GNPTAB: variants seen among roughly 807,000 people sequenced by gnomAD.
GNPTAB encodes the protein N-acetylglucosamine-1-phosphotransferase subunits alpha/beta.
A neutral mutation model predicts 136.6 loss-of-function variants in GNPTAB; 92 were observed. The ratio of observed to expected loss-of-function variants is 0.67; its 90% CI spans 0.57 to 0.80. The LOEUF (loss-of-function observed/expected upper bound fraction) is 0.80. Ranked by LOEUF, GNPTAB falls within the 30% of genes least tolerant of loss-of-function variation. The probability of loss-of-function intolerance (pLI) is 0.00; values close to 1 mark genes in which losing one functional copy is unlikely to be tolerated. For synonymous variants in GNPTAB, 512 were observed against 535.1 expected (o/e 0.96, Z 0.60); for missense variants, 1,343 against 1,501.8 (o/e 0.89, Z 1.75).
Position 101,771,169 on chromosome 12 carries a change from CA to C in GNPTAB, c.772-13del. On this transcript the variant is annotated splice_polypyrimidine_tract_variant and intron_variant, in intron 7 of 20. Coordinates refer to ENST00000299314, the MANE Select transcript of GNPTAB (RefSeq NM_024312.5). ...GAATACAACTGCAACTATCAAATAA[CA>C]AGAGGATTACACATGAAAAGACTGA... 6.2e-7 allele frequency: 1 copy of C among 1,610,000 alleles called. No individual in the cohort carries two copies. Among genetic ancestry groups the C allele is most frequent in the Non-Finnish European group, 8.5e-7 (1 of 1,176,560 alleles).
At chr12:101,769,959 T>C in intron 10 of GNPTAB, 62 bp downstream of exon 10, 1 of 1,454,448 alleles carries the variant, frequency 6.9e-7, no homozygotes, top group Non-Finnish European at 9.6e-7. Flanking sequence ...GTATGTGCAC[T>C]CATTTTCTGA....
intron 1 of GNPTAB, among the ~76,000 whole-genome samples, chr12:101,824,334 A>C (rs1870961309): frequency 6.7e-6 from 1 of 149,502 alleles, no homozygotes; most frequent in Admixed American, 6.8e-5. Context: ...CAGAGGTGAG[A>C]AACAGGGACA....
At chr12:101,793,179 C>T (rs943509586) in intron 2 of GNPTAB, among the ~76,000 whole-genome samples, 3 of 152,062 alleles carry the variant, frequency 2.0e-5, no homozygotes, top group African/African-American at 4.8e-5. Flanking sequence ...TTAGTTCATT[C>T]CTTTATCATA....
chr12:101,783,639 A>G (rs1194533808), intron 5 of GNPTAB, among the ~76,000 whole-genome samples: 1 of 152,216 alleles, frequency 6.6e-6, no homozygotes. Flanking sequence ...GCTGAGGTAC[A>G]AATCAGTTCA....
At chr12:101,820,605 C>A (rs1169805627) in intron 1 of GNPTAB, among the ~76,000 whole-genome samples, 1 of 152,196 alleles carries the variant, frequency 6.6e-6, no homozygotes, top group Non-Finnish European at 1.5e-5. Context: ...GCATCAACCC[C>A]ATGCCATGCC....
chr12:101,823,422 T>C (rs1046857226), intron 1 of GNPTAB, among the ~76,000 whole-genome samples: 1 of 151,944 alleles, frequency 6.6e-6, no homozygotes, highest in South Asian at 2.1e-4. Flanking sequence ...CCAGCCTGGC[T>C]AACATGGTGT....
chr12:101,771,180 C>T, intron 7 of GNPTAB, 23 bp from the exon 8 acceptor site: 1 of 1,603,300 alleles, frequency 6.2e-7, no homozygotes, highest in Non-Finnish European at 8.5e-7. Context: ...AAGAGGATTA[C>T]ACATGAAAAG....
rs1868614007 is a variant in GNPTAB, at chr12:101,785,891, G to A, written c.571+121C>T. The A allele has an allele frequency of 5.1e-6, 4 of 790,626 alleles. No individual in the cohort carries two copies. The South Asian group carries it at 6.8e-5, about 14-fold the overall frequency. 49.0% of individuals were successfully genotyped at this position (790,626 alleles called of 1,614,324 possible). A position where few individuals can be genotyped will look rare whatever the true frequency, so the allele number is the denominator to read the frequency against. The stretch of plus-strand genomic sequence containing the variant: ...AATAGCAGCTGTTTTGCTTCTCTTT[G>A]TGCATTTTTAGAAAAGTTTATCAGA... On this transcript the variant is annotated intron_variant, in intron 5 of 20. Transcript: ENST00000299314.
intron 7 of GNPTAB, among the ~76,000 whole-genome samples, chr12:101,775,735 A>G (rs539553610): frequency 1.8e-4 from 28 of 152,160 alleles, no homozygotes; most frequent in African/African-American, 6.3e-4. Context: ...TTTCATCTTT[A>G]TTTTAGAAAT....
At chr12:101,806,128 G>C (rs959256827) in intron 1 of GNPTAB, among the ~76,000 whole-genome samples, 1 of 152,042 alleles carries the variant, frequency 6.6e-6, no homozygotes, top group Non-Finnish European at 1.5e-5. Flanking sequence ...TTCCTTTGTG[G>C]AGCATTACAA....
At chr12:101,812,585 C>CT (rs1555274905) in intron 1 of GNPTAB, among the ~76,000 whole-genome samples, 7 of 151,876 alleles carry the variant, frequency 4.6e-5, no homozygotes, top group African/African-American at 1.5e-4. Context: ...GTGAGAACCC[C>CT]CCCATCTCTA....
At chr12:101,765,535 T>G (rs1220637164) in intron 12 of GNPTAB, 1 of 536,390 alleles carries the variant, frequency 1.9e-6, no homozygotes, top group Admixed American at 3.2e-5. Context: ...TAAGAGTGAC[T>G]TTAATTTCAA....
intron 4 of GNPTAB, among the ~76,000 whole-genome samples, chr12:101,787,995 G>C (rs887689078): frequency 1.3e-5 from 2 of 151,310 alleles, no homozygotes; most frequent in African/African-American, 2.4e-5. Context: ...AAAGTCTGAT[G>C]GTTAAGTGGG....
In GNPTAB at chr12:101,770,405, C is replaced by T; in HGVS notation, c.1113+1G>A. The T allele has an allele frequency of 6.2e-7, 1 of 1,603,716 alleles. No homozygotes were observed. The highest frequency in any genetic ancestry group is 8.5e-7 in the Non-Finnish European group (1 of 1,170,536). ...CTTGTAATTTTTAGAAAGTCCTGTA[C>T]CTGGTGTGTTACTATTGTCACTCGA... On this transcript the variant is annotated splice_donor_variant, in intron 9 of 20. Transcript: ENST00000299314. LOFTEE classifies it high-confidence loss of function.
At chr12:101,798,661 A>T (rs1869438611) in intron 1 of GNPTAB, among the ~76,000 whole-genome samples, 1 of 152,210 alleles carries the variant, frequency 6.6e-6, no homozygotes, top group Admixed American at 6.5e-5. Context: ...AATAAAATCA[A>T]CTGTAGTATA....
intron 2 of GNPTAB, among the ~76,000 whole-genome samples, chr12:101,792,843 A>G (rs144709416): frequency 1.8e-4 from 28 of 152,040 alleles, no homozygotes; most frequent in Non-Finnish European, 3.1e-4. Context: ...TCTTTCCTAC[A>G]CCTTCGGGCT....
chr12:101,753,484 C>A lies in GNPTAB; in HGVS notation c.3490G>T (p.Val1164Leu), dbSNP rs1487651519. The change falls in exon 19 of 21, where the codon GTG becomes TTG. Residue 1164 changes from valine (V) to leucine (L), a missense_variant. Coordinates refer to ENST00000299314, the MANE Select transcript of GNPTAB (RefSeq NM_024312.5). ...TAGAAGTCCCTGAGAACAGCCTTCACTGTCTGAGCATCTTTATGATTGTGG... is the reference window on the plus strand; with the variant it reads ...TAGAAGTCCCTGAGAACAGCCTTCAATGTCTGAGCATCTTTATGATTGTGG... Reference protein sequence around the residue: ...IDHNHKDAQTVKAVLRDFYES... With the variant: ...IDHNHKDAQTLKAVLRDFYES... 5.0e-6 allele frequency: 8 copies of A among 1,613,800 alleles called. No homozygotes were observed. Among genetic ancestry groups the A allele is most frequent in the Non-Finnish European group, 6.8e-6 (8 of 1,179,722 alleles).
At chr12:101,758,872 A>T (rs1952944537) in intron 16 of GNPTAB, among the ~76,000 whole-genome samples, 1 of 152,240 alleles carries the variant, frequency 6.6e-6, no homozygotes, top group African/African-American at 2.4e-5. Flanking sequence ...TTATGAAAGC[A>T]AAATCTACTC....
chr12:101,777,847 G>C (rs2137133687), intron 7 of GNPTAB, among the ~76,000 whole-genome samples: 1 of 152,284 alleles, frequency 6.6e-6, no homozygotes, highest in South Asian at 2.1e-4. Flanking sequence ...TTTCTCTCTA[G>C]TCTCTAAAAA....
Sources: allele counts gnomAD v4.1 joint callset (sites outside exome capture counted in the v4.1 genomes callset), GRCh38; gene constraint gnomAD v4.1.1; transcripts MANE v1.5; gene names NCBI Gene and HGNC (gene_info 2026-07-23, HGNC 2026-07-21).